Variants in FANCA observed in about 807,000 individuals in gnomAD.
FANCA encodes Fanconi anemia group A protein.
Under a neutral mutation model 194.3 loss-of-function variants are expected in FANCA, and 236 were observed. That is an observed-to-expected ratio of 1.21 (90% CI 1.09 to 1.35). The LOEUF is 1.35. FANCA is among the 40% of genes most tolerant of loss of function. The probability of loss-of-function intolerance (pLI) is 0.00; values close to 1 mark genes in which losing one functional copy is unlikely to be tolerated. For missense variants in FANCA, 2,628 were observed against 1,813.9 expected (o/e 1.45, Z -8.15); for synonymous variants, 1,014 against 715.8 (o/e 1.42, Z -6.65).
rs190856370 is a variant in FANCA at position 89,799,262 on chromosome 16, A to G, written c.827-30T>C. The G allele has an allele frequency of 3.4e-4, 544 of 1,613,230 alleles. 1 individual carries two copies. The highest frequency in any genetic ancestry group is 8.8e-4 in the Admixed American group (53 of 60,004). On this transcript the variant is annotated intron_variant, in intron 9 of 42. Transcript: ENST00000389301. ...AGACAGAGCCAGGAACAGAAAACAGATGTCAGCACACGGCGGCAGCCCACC... is the reference window on the plus strand; with the variant it reads ...AGACAGAGCCAGGAACAGAAAACAGGTGTCAGCACACGGCGGCAGCCCACC...
At chr16:89,790,507 G>T (rs184256938) in intron 14 of FANCA, among the ~76,000 whole-genome samples, 3 of 148,566 alleles carry the variant, frequency 2.0e-5, no homozygotes, top group Non-Finnish European at 4.5e-5. Flanking sequence ...AAGACGGGCG[G>T]ATCATGAGGT....
intron 26 of FANCA, 118 bp downstream of exon 26, chr16:89,769,719 A>T (rs1429231003): frequency 1.7e-6 from 2 of 1,163,846 alleles, no homozygotes; most frequent in Admixed American, 2.0e-5. Flanking sequence ...AAAATGCTAA[A>T]AAGTGGTTAT....
At chr16:89,748,926 C>T (rs1230317197) in intron 32 of FANCA, among the ~76,000 whole-genome samples, 159 bp from the exon 33 acceptor site, 2 of 152,194 alleles carry the variant, frequency 1.3e-5, no homozygotes, top group Admixed American at 1.3e-4. Flanking sequence ...CCAAAGCCTG[C>T]ACTCTGAGCC....
chr16:89,738,637 A>C lies in FANCA; in HGVS notation c.4332T>G (p.Pro1444=), dbSNP rs149531696. ...AALQSRQQAA[P]DADLSQEPHL... is the part of the protein sequence containing the mutation. Reference sequence around the variant, plus strand: ...GAGGCTCCTGGGACAGGTCAGCGTCAGGGGCAGCCTGCTGTCTGCTCTGGA... The same window carrying C: ...GAGGCTCCTGGGACAGGTCAGCGTCCGGGGCAGCCTGCTGTCTGCTCTGGA... Residue 1444 remains proline, a synonymous_variant, in exon 43 of 43, where the codon CCT becomes CCG. Coordinates refer to ENST00000389301, the MANE Select transcript of FANCA (RefSeq NM_000135.4). 7.3e-4 allele frequency: 1,174 copies of C among 1,613,620 alleles called. 5 individuals carry two copies. Among genetic ancestry groups the C allele is most frequent in the Middle Eastern group, 4.1e-3 (24 of 5,868 alleles).
At position 89,765,138 on chromosome 16, in the gene FANCA, G is replaced by A; in HGVS notation, c.2602-72C>T. The stretch of plus-strand genomic sequence containing the variant: ...CTGTGAGTGGCTGAGCAAATGCTCA[G>A]GTGGAAACAGACCATCAACAGCCCA... On this transcript the variant is annotated intron_variant, in intron 27 of 42. Transcript: ENST00000389301. 3.2e-6 allele frequency: 5 copies of A among 1,554,082 alleles called. No homozygotes were observed. In the South Asian group the frequency reaches 4.5e-5, roughly 14 times the overall value.
intron 30 of FANCA, among the ~76,000 whole-genome samples, chr16:89,754,169 C>G (rs965938359): frequency 6.6e-6 from 1 of 151,870 alleles, no homozygotes; most frequent in African/African-American, 2.4e-5. Context: ...TTTCGGTAAG[C>G]CGAGATTGCA....
At position 89,775,379 on chromosome 16, in the gene FANCA, C is replaced by T. The variant is rs532836718; in HGVS notation, c.1900+363G>A. Reference sequence around the variant, plus strand: ...GAAAAGTGCTGCATGACACTCCCTACGACAGGCTCGAGCCAGCGCTGTGGG... The same window carrying T: ...GAAAAGTGCTGCATGACACTCCCTATGACAGGCTCGAGCCAGCGCTGTGGG... On this transcript the variant is annotated intron_variant, in intron 21 of 42. Transcript: ENST00000389301. Among the ~76,000 whole-genome samples the T allele has an allele frequency of 9.5e-4, 145 of 152,340 alleles. 2 individuals carry two copies. Among genetic ancestry groups the T allele is most frequent in the Non-Finnish European group, 2.9e-5 (2 of 68,026 alleles).
chr16:89,762,794 C>T (rs539267379), intron 28 of FANCA: 6 of 447,806 alleles, frequency 1.3e-5, no homozygotes, highest in African/African-American at 1.0e-4. Context: ...CCATGACCAG[C>T]TAAGTTTTTT....
At chr16:89,740,700 G>GC in intron 38 of FANCA, 104 bp downstream of exon 38, 1 of 884,800 alleles carries the variant, frequency 1.1e-6, no homozygotes, top group South Asian at 1.4e-5. Context: ...AACACAAGGA[G>GC]CTCCTGAGCT....
chr16:89,759,425 T>G (rs551270614), intron 29 of FANCA, among the ~76,000 whole-genome samples: 22 of 144,322 alleles, frequency 1.5e-4, no homozygotes, highest in Middle Eastern at 3.7e-3. Context: ...GCAACCTGCA[T>G]CCAGACTGTG....
At chr16:89,815,602 C>G (rs955838713) in intron 2 of FANCA, among the ~76,000 whole-genome samples, 1 of 152,122 alleles carries the variant, frequency 6.6e-6, no homozygotes, top group African/African-American at 2.4e-5. Context: ...GTGATCCACC[C>G]GCCTTGGCCT....
chr16:89,746,449 C>T (rs539405274), intron 35 of FANCA, 135 bp downstream of exon 35: 16 of 757,298 alleles, frequency 2.1e-5, no homozygotes, highest in Middle Eastern at 4.9e-4. Flanking sequence ...TTAACTGTGG[C>T]TTCCATGTCT....
intron 29 of FANCA, among the ~76,000 whole-genome samples, chr16:89,759,162 T>C (rs1478302503): frequency 6.7e-6 from 1 of 149,918 alleles, no homozygotes; most frequent in African/African-American, 2.5e-5. Context: ...CTACTCAAAA[T>C]ACAAAAAATT....
Position 89,816,000 on chromosome 16 carries a change from T to G in FANCA, c.80-14A>C. 1 of 1,600,966 alleles carries G rather than the reference T, an allele frequency of 6.2e-7. No homozygotes were observed. ...TGACCCTTCCCGCTACGGAGAGAAGTCGGTTCGAAACCATCACAGCACAAT... is the reference window on the plus strand; with the variant it reads ...TGACCCTTCCCGCTACGGAGAGAAGGCGGTTCGAAACCATCACAGCACAAT... On this transcript the variant is annotated splice_polypyrimidine_tract_variant and intron_variant, in intron 1 of 42. Transcript: ENST00000389301.
chr16:89,796,218 C>T (rs770117244), intron 10 of FANCA, among the ~76,000 whole-genome samples, 200 bp from the exon 11 acceptor site: 18 of 151,984 alleles, frequency 1.2e-4, no homozygotes, highest in African/African-American at 4.1e-4. Context: ...AAGGCAACGG[C>T]GAAACCCACG....
chr16:89,769,386 G>A (rs1202467913), intron 26 of FANCA, among the ~76,000 whole-genome samples: 2 of 152,108 alleles, frequency 1.3e-5, no homozygotes, highest in Non-Finnish European at 1.5e-5. Flanking sequence ...TAACCACAGG[G>A]TCCTTCCTCA....
At chr16:89,756,708 G>T (rs544427651) in intron 30 of FANCA, among the ~76,000 whole-genome samples, 1 of 152,340 alleles carries the variant, frequency 6.6e-6, no homozygotes, top group Admixed American at 6.5e-5. Context: ...TGATCTTTCT[G>T]TTCCGCAGTG....
intron 28 of FANCA, among the ~76,000 whole-genome samples, chr16:89,762,393 A>G (rs1267750956): frequency 7.4e-6 from 1 of 134,348 alleles, no homozygotes; most frequent in African/African-American, 2.5e-5. Context: ...TAGGAGTTTG[A>G]CACCAGCCTA....
intron 5 of FANCA, 149 bp from the exon 6 acceptor site, chr16:89,808,516 C>G: frequency 1.3e-6 from 1 of 790,958 alleles, no homozygotes; most frequent in Non-Finnish European, 2.1e-6. Context: ...AACTTAGAGC[C>G]TGAAACACAT....
Sources: gnomAD v4.1 joint callset for allele counts (sites outside exome capture counted in the v4.1 genomes callset) on GRCh38, gnomAD v4.1.1 for gene constraint, MANE v1.5 for transcripts, NCBI Gene and HGNC (gene_info 2026-07-23, HGNC 2026-07-21) for gene names.